The following DPYSL2 variants were observed in gnomAD, a reference collection of about 807,000 sequenced individuals.
DPYSL2 encodes the protein dihydropyrimidinase-related protein 2.
In DPYSL2, 13 loss-of-function variants were observed where a neutral mutation model predicts 69.9. That is an observed-to-expected ratio of 0.19 (90% CI 0.12 to 0.30). The LOEUF (loss-of-function observed/expected upper bound fraction) is 0.30. Among genes scored for constraint, DPYSL2 ranks in the 10% least tolerant of loss-of-function variants. DPYSL2 has a pLI of 1.00. For missense variants in DPYSL2, 587 were observed against 918.9 expected, an observed-to-expected ratio of 0.64 and a Z score of 4.67; for synonymous variants, 326 against 359.1, an observed-to-expected ratio of 0.91 and a Z score of 1.04.
At chr8:26,563,008 C>T (rs1237729230) in intron 1 of DPYSL2, among the ~76,000 whole-genome samples, 6 of 152,140 alleles carry the variant, frequency 3.9e-5, no homozygotes, top group Non-Finnish European at 8.8e-5. Flanking sequence ...AGCTGGATTT[C>T]CCACACCTGT....
intron 1 of DPYSL2, among the ~76,000 whole-genome samples, chr8:26,549,541 A>G (rs918528581): frequency 6.6e-6 from 1 of 152,222 alleles, no homozygotes; most frequent in African/African-American, 2.4e-5. Flanking sequence ...AAAATTAATG[A>G]TAGCATACCA....
Position 26,647,548 on chromosome 8 carries a change from T to C in DPYSL2, c.1426-82T>C, listed in dbSNP as rs1011650557. On this transcript the variant is annotated intron_variant, in intron 10 of 13. Transcript: ENST00000521913. This position sits in a 1 kb window ranked among gnomAD's most constrained non-coding sequence, Gnocchi z 5.1. ...ACATCCATCTAAGCTGTCGTGTGTA[T>C]CAATAGTTTGTTATTGAAAAGTAAC... 1 of 1,435,374 alleles carries C rather than the reference T, an allele frequency of 7.0e-7. No individual in the cohort carries two copies. Among genetic ancestry groups the C allele is most frequent in the African/African-American group, 1.4e-5 (1 of 70,354 alleles). 88.9% of individuals were successfully genotyped at this position (1,435,374 alleles called of 1,614,324 possible).
At position 26,588,196 on chromosome 8, in the gene DPYSL2, C is replaced by T. The variant is rs1007531804; in HGVS notation, c.628+4213C>T. Among the ~76,000 whole-genome samples the T allele has an allele frequency of 4.6e-5, 7 of 152,224 alleles. No homozygotes were observed. The highest frequency in any genetic ancestry group is 2.1e-4 in the South Asian group (1 of 4,830). ...TTGTACACTGAGCTCTACTCTCCCC[C>T]GCATGGCCGGAGAAACAGGCTGAGC... On this transcript the variant is annotated intron_variant, in intron 3 of 13. Transcript: ENST00000521913. This position sits in a 1 kb window ranked among gnomAD's most constrained non-coding sequence, Gnocchi z 5.4.
intron 1 of DPYSL2, among the ~76,000 whole-genome samples, chr8:26,553,317 A>G (rs1348451186): frequency 6.6e-6 from 1 of 151,962 alleles, no homozygotes; most frequent in East Asian, 1.9e-4. Context: ...AGATTATTTC[A>G]TCACCCAGGT....
intron 3 of DPYSL2, among the ~76,000 whole-genome samples, chr8:26,611,457 T>C (rs757111570): frequency 1.3e-5 from 2 of 152,172 alleles, no homozygotes; most frequent in African/African-American, 2.4e-5. Context: ...GAGAAGTCAC[T>C]TCTTGGGACT....
rs1025168988 is a variant in DPYSL2, at chr8:26,657,580, TAAAA to T, written c.*1878_*1881del. 24 of 152,726 alleles carry T rather than the reference TAAAA, an allele frequency of 1.6e-4. No individual in the cohort carries two copies. The highest frequency in any genetic ancestry group is 5.5e-4 in the African/African-American group (23 of 41,572). The allele number at this position is 152,726 out of a possible 1,614,324, so 9.5% of individuals were successfully genotyped here. A position where few individuals can be genotyped will look rare whatever the true frequency, so the allele number is the denominator to read the frequency against. The stretch of plus-strand genomic sequence containing the variant: ...TTATTTTAAAGGTAAATTGCACTTT[TAAAA>T]AAATAATTGGTTGACTTAATATATT... On this transcript the variant is annotated 3_prime_UTR_variant, in exon 14 of 14. Coordinates refer to ENST00000521913, the MANE Select transcript of DPYSL2 (RefSeq NM_001197293.3).
chr8:26,616,221 T>G (rs1802342482), intron 3 of DPYSL2, among the ~76,000 whole-genome samples: 2 of 152,176 alleles, frequency 1.3e-5, no homozygotes, highest in South Asian at 4.1e-4. Context: ...ATCCCTTAAA[T>G]TCTCAGGGGC....
rs1383982546 is a variant in DPYSL2 at position 26,598,005 on chromosome 8, C to T, written c.628+14022C>T. 3.3e-5 allele frequency among the ~76,000 whole-genome samples: 5 copies of T among 152,144 alleles called. No homozygotes were observed. Among genetic ancestry groups the T allele is most frequent in the East Asian group, 1.9e-4 (1 of 5,180 alleles). ...ACTCTGCTGCTTATTAGCTCAGGCT[C>T]GGTGCCCCACGGCTTGGTCCTGGTT... is the stretch of plus-strand genomic sequence containing the variant. On this transcript the variant is annotated intron_variant, in intron 3 of 13. Coordinates refer to ENST00000521913, the MANE Select transcript of DPYSL2 (RefSeq NM_001197293.3). This position sits in a 1 kb window ranked among gnomAD's most constrained non-coding sequence, Gnocchi z 4.2.
chr8:26,540,199 G>A (rs2117622307), intron 1 of DPYSL2, among the ~76,000 whole-genome samples: 1 of 152,118 alleles, frequency 6.6e-6, no homozygotes, highest in East Asian at 1.9e-4. Flanking sequence ...GAAATTCTGG[G>A]GCTGAAGAGT....
chr8:26,626,883 G>A lies in DPYSL2; in HGVS notation c.855+205G>A, dbSNP rs1424859469. Among the ~76,000 whole-genome samples, 2 of 152,164 alleles carry A rather than the reference G, an allele frequency of 1.3e-5. No homozygotes were observed. Among genetic ancestry groups the A allele is most frequent in the Non-Finnish European group, 2.9e-5 (2 of 68,032 alleles). On this transcript the variant is annotated intron_variant, in intron 5 of 13. Coordinates refer to ENST00000521913, the MANE Select transcript of DPYSL2 (RefSeq NM_001197293.3). The surrounding 1 kb of genome is among the most constrained non-coding windows in gnomAD (Gnocchi z 4.3). ...CCAGCACTGCCACTCCGCCGCCCTGGATCTGAGGCTCTGCCCCGCACGGCG... is the reference window on the plus strand; with the variant it reads ...CCAGCACTGCCACTCCGCCGCCCTGAATCTGAGGCTCTGCCCCGCACGGCG...
intron 1 of DPYSL2, among the ~76,000 whole-genome samples, chr8:26,575,245 A>T (rs1019193432): frequency 1.3e-5 from 2 of 152,160 alleles, no homozygotes; most frequent in Non-Finnish European, 2.9e-5. Context: ...CTGCCTTGGC[A>T]TCCCAAAGTG....
rs1289001936 is a variant in DPYSL2 at position 26,598,569 on chromosome 8, G to A, written c.628+14586G>A. 6.6e-6 allele frequency among the ~76,000 whole-genome samples: 1 copy of A among 152,200 alleles called. No homozygotes were observed. Among genetic ancestry groups the A allele is most frequent in the Non-Finnish European group, 1.5e-5 (1 of 68,044 alleles). On this transcript the variant is annotated intron_variant, in intron 3 of 13. Transcript: ENST00000521913. The surrounding 1 kb of genome is among the most constrained non-coding windows in gnomAD (Gnocchi z 4.2). ...GAGACACCCGATGTGCCCCCACCTT[G>A]GTGAGCACCTTTCCCCCCAGGCACA...
chr8:26,644,158 T>C lies in DPYSL2; in HGVS notation c.1425+67T>C, dbSNP rs1330110661. 1 of 1,560,604 alleles carries C rather than the reference T, an allele frequency of 6.4e-7. No homozygotes were observed. Among genetic ancestry groups the C allele is most frequent in the Non-Finnish European group, 8.7e-7 (1 of 1,151,360 alleles). On this transcript the variant is annotated intron_variant, in intron 10 of 13. Transcript: ENST00000521913. The surrounding 1 kb of genome is among the most constrained non-coding windows in gnomAD (Gnocchi z 4.5). Reference sequence around the variant, plus strand: ...CCTTGTCCTCCTCATCTGGGGGCCATGGGGCTCATGGAGGCCTTGAAATGA... The same window carrying C: ...CCTTGTCCTCCTCATCTGGGGGCCACGGGGCTCATGGAGGCCTTGAAATGA...
At chr8:26,599,238 A>T (rs17055502) in intron 3 of DPYSL2, among the ~76,000 whole-genome samples, 2,332 of 152,246 alleles carry the variant, frequency 0.015, 29 homozygotes, top group Middle Eastern at 0.068. Flanking sequence ...AGAGAGTCAG[A>T]TGATTCAGAA....
In DPYSL2 at chr8:26,560,496, C is replaced by CCACAGCT. The variant is rs571297828; in HGVS notation, c.355-21452_355-21446dup. On this transcript the variant is annotated intron_variant, in intron 1 of 13. Transcript: ENST00000521913. The surrounding 1 kb of genome is among the most constrained non-coding windows in gnomAD (Gnocchi z 4.4). ...TGAAGGCAGACATAAATGAGTTTGT[C>CCACAGCT]CACAGCTCACAGCTCACAGCTCACA... Among the ~76,000 whole-genome samples, 309 of 152,212 alleles carry CCACAGCT rather than the reference C, an allele frequency of 2.0e-3. 3 individuals carry two copies. The highest frequency in any genetic ancestry group is 7.2e-3 in the African/African-American group (297 of 41,524).
rs996811132 is a variant in DPYSL2 at position 26,647,211 on chromosome 8, A to G, written c.1426-419A>G. Among the ~76,000 whole-genome samples, 5 of 152,192 alleles carry G rather than the reference A, an allele frequency of 3.3e-5. No homozygotes were observed. The highest frequency in any genetic ancestry group is 5.9e-5 in the Non-Finnish European group (4 of 68,042). On this transcript the variant is annotated intron_variant, in intron 10 of 13. Coordinates refer to ENST00000521913, the MANE Select transcript of DPYSL2 (RefSeq NM_001197293.3). The surrounding 1 kb of genome is among the most constrained non-coding windows in gnomAD (Gnocchi z 5.1). ...AGTTTCCCTCATGGTTACATCTTAT[A>G]TAAATGTAGAACAATATCAAAACCA... is the stretch of plus-strand genomic sequence containing the variant.
At chr8:26,538,897 CA>C (rs1048939924) in intron 1 of DPYSL2, among the ~76,000 whole-genome samples, 1 of 152,144 alleles carries the variant, frequency 6.6e-6, no homozygotes, top group African/African-American at 2.4e-5. Context: ...CCAAGGACCC[CA>C]ACAACCCTCA....
At chr8:26,600,843 C>T (rs528388725) in intron 3 of DPYSL2, among the ~76,000 whole-genome samples, 3 of 152,340 alleles carry the variant, frequency 2.0e-5, no homozygotes, top group East Asian at 3.9e-4. Flanking sequence ...GCTCTGATCT[C>T]ACCGCATGGC....
At position 26,591,059 on chromosome 8, in the gene DPYSL2, G is replaced by A. The variant is rs1801714663; in HGVS notation, c.628+7076G>A. On this transcript the variant is annotated intron_variant, in intron 3 of 13. Coordinates refer to ENST00000521913, the MANE Select transcript of DPYSL2 (RefSeq NM_001197293.3). This position sits in a 1 kb window ranked among gnomAD's most constrained non-coding sequence, Gnocchi z 5.8. The stretch of plus-strand genomic sequence containing the variant: ...CTGGCCCTGGGAGCTGGCAGTTACA[G>A]TGCTGGAAATGAGCCTGACTCACTG... Among the ~76,000 whole-genome samples, 1 of 152,220 alleles carries A rather than the reference G, an allele frequency of 6.6e-6. No homozygotes were observed. The highest frequency in any genetic ancestry group is 2.4e-5 in the African/African-American group (1 of 41,456).
Sources: allele counts gnomAD v4.1 joint callset (sites outside exome capture counted in the v4.1 genomes callset), GRCh38; gene constraint gnomAD v4.1.1; non-coding constraint Gnocchi (gnomAD v3.1); transcripts MANE v1.5; gene names NCBI Gene and HGNC (gene_info 2026-07-23, HGNC 2026-07-21).